ERC2: variants seen among roughly 807,000 people sequenced by gnomAD.
ERC2 encodes ERC protein 2.
In ERC2, 42 loss-of-function variants were observed where a neutral mutation model predicts 114.8. The observed-to-expected ratio is 0.37, with a 90% CI of 0.29 to 0.47. The LOEUF is 0.47. Among genes scored for constraint, ERC2 ranks in the 20% least tolerant of loss-of-function variants. The pLI is 0.99. For synonymous variants in ERC2, 454 were observed against 425.5 expected (o/e 1.07, Z -0.82); for missense variants, 939 against 1,150.7 (o/e 0.82, Z 2.66).
intron 14 of ERC2, among the ~76,000 whole-genome samples, chr3:55,760,233 A>G (rs1377836218): frequency 2.0e-5 from 3 of 152,224 alleles, no homozygotes; most frequent in Non-Finnish European, 4.4e-5. Context: ...ATTCTTCAGA[A>G]ACACATTCTG....
intron 16 of ERC2, among the ~76,000 whole-genome samples, chr3:55,690,563 A>G (rs1403554577): frequency 2.0e-5 from 3 of 152,308 alleles, no homozygotes; most frequent in Middle Eastern, 3.4e-3. Context: ...TGTTGACTCA[A>G]AGGATACTGC....
intron 6 of ERC2, among the ~76,000 whole-genome samples, chr3:56,138,317 C>T (rs1192577144): frequency 1.3e-5 from 2 of 152,158 alleles, no homozygotes; most frequent in Admixed American, 6.5e-5. Flanking sequence ...GCCTTGGCCT[C>T]CCAAAGTGTT....
intron 17 of ERC2, among the ~76,000 whole-genome samples, chr3:55,642,422 C>T (rs954834607): frequency 1.3e-5 from 2 of 151,204 alleles, no homozygotes; most frequent in African/African-American, 4.9e-5. Flanking sequence ...GCAACCTCTG[C>T]CCCTGGGGTT....
intron 2 of ERC2, among the ~76,000 whole-genome samples, chr3:56,388,404 C>G (rs2060010932): frequency 6.6e-6 from 1 of 152,198 alleles, no homozygotes; most frequent in African/African-American, 2.4e-5. Flanking sequence ...CTCCCCTTCA[C>G]TTTCAGCCAT....
intron 2 of ERC2, among the ~76,000 whole-genome samples, chr3:56,410,732 C>T (rs1054458082): frequency 1.3e-5 from 2 of 152,066 alleles, no homozygotes; most frequent in Non-Finnish European, 1.5e-5. Flanking sequence ...TGGCTCACTG[C>T]AGTAGAGGCA....
chr3:55,739,061 T>C (rs2065817928), intron 14 of ERC2, among the ~76,000 whole-genome samples: 2 of 152,228 alleles, frequency 1.3e-5, no homozygotes, highest in South Asian at 4.1e-4. Context: ...GTTTCCAGCT[T>C]CATCCATGTC....
intron 14 of ERC2, among the ~76,000 whole-genome samples, chr3:55,781,831 T>A (rs2069079991): frequency 7.1e-6 from 1 of 140,196 alleles, no homozygotes; most frequent in Non-Finnish European, 1.5e-5. Context: ...GAGATCGCCC[T>A]ACTACACTCC....
intron 2 of ERC2, among the ~76,000 whole-genome samples, chr3:56,341,136 A>G (rs765118305): frequency 5.3e-5 from 8 of 152,180 alleles, no homozygotes; most frequent in Non-Finnish European, 7.3e-5. Context: ...CAGATTTGCA[A>G]TTAATACTTA....
chr3:55,746,619 T>C (rs928936416), intron 14 of ERC2, among the ~76,000 whole-genome samples: 2 of 152,212 alleles, frequency 1.3e-5, no homozygotes, highest in South Asian at 2.1e-4. Context: ...TTTTAATTCA[T>C]GAGAAGGGAA....
chr3:55,968,566 C>T (rs2068920905), intron 12 of ERC2, among the ~76,000 whole-genome samples: 1 of 152,116 alleles, frequency 6.6e-6, no homozygotes, highest in African/African-American at 2.4e-5. Context: ...GTCAAAAACA[C>T]CATGACAACA....
intron 17 of ERC2, among the ~76,000 whole-genome samples, chr3:55,523,811 G>A (rs1205036435): frequency 6.6e-6 from 1 of 152,226 alleles, no homozygotes; most frequent in Non-Finnish European, 1.5e-5. Context: ...AATGCTGACT[G>A]TGTGCCAGGA....
intron 16 of ERC2, among the ~76,000 whole-genome samples, chr3:55,687,264 G>A (rs1303889142): frequency 6.6e-6 from 1 of 152,156 alleles, no homozygotes; most frequent in African/African-American, 2.4e-5. Flanking sequence ...GAGGCTCTGA[G>A]AAGAAACTCT....
intron 12 of ERC2, among the ~76,000 whole-genome samples, chr3:55,984,282 AT>A (rs2070398403): frequency 6.6e-6 from 1 of 151,732 alleles, no homozygotes; most frequent in Non-Finnish European, 1.5e-5. Context: ...TTCTTTCACC[AT>A]GAAATAGGAA....
chr3:55,855,526 A>G (rs765273365), intron 14 of ERC2, among the ~76,000 whole-genome samples: 1 of 152,252 alleles, frequency 6.6e-6, no homozygotes, highest in African/African-American at 2.4e-5. Context: ...CTTTCTTGCC[A>G]TGACATTTCT....
intron 14 of ERC2, among the ~76,000 whole-genome samples, chr3:55,794,016 T>C (rs80080638): frequency 0.033 from 5,084 of 152,238 alleles, 130 homozygotes; most frequent in South Asian, 0.085. Flanking sequence ...AGCAAAACCA[T>C]GTACCTTTCA....
intron 14 of ERC2, among the ~76,000 whole-genome samples, chr3:55,840,858 A>G (rs1290186975): frequency 1.3e-5 from 2 of 152,176 alleles, no homozygotes; most frequent in Non-Finnish European, 2.9e-5. Context: ...AAAAAAGAGT[A>G]CATTGACGAT....
intron 2 of ERC2, among the ~76,000 whole-genome samples, chr3:56,423,651 A>G (rs1380196274): frequency 6.6e-6 from 1 of 152,234 alleles, no homozygotes; most frequent in Non-Finnish European, 1.5e-5. Flanking sequence ...AAATGGCTAC[A>G]CGTTGCTTCC....
chr3:56,001,801 T>C (rs1049592343), intron 10 of ERC2, among the ~76,000 whole-genome samples: 2 of 152,170 alleles, frequency 1.3e-5, no homozygotes, highest in African/African-American at 4.8e-5. Flanking sequence ...TGACATTCTT[T>C]GGTTTTCTTC....
At chr3:56,087,706 GA>G (rs1354560452) in intron 6 of ERC2, among the ~76,000 whole-genome samples, 1 of 151,988 alleles carries the variant, frequency 6.6e-6, no homozygotes, top group East Asian at 1.9e-4. Context: ...CTATCACAAA[GA>G]AAAACTTTAA....
Sources: allele counts gnomAD v4.1 joint callset (sites outside exome capture counted in the v4.1 genomes callset), GRCh38; gene constraint gnomAD v4.1.1; transcripts MANE v1.5; gene names NCBI Gene and HGNC (gene_info 2026-07-23, HGNC 2026-07-21).